The following CCT3 variants were observed in gnomAD, a reference collection of about 807,000 sequenced individuals.
The protein encoded by CCT3 is T-complex protein 1 subunit gamma.
In CCT3, 10 loss-of-function variants were observed where a neutral mutation model predicts 65.3. The observed-to-expected ratio is 0.15, with a 90% CI of 0.09 to 0.26. The LOEUF (loss-of-function observed/expected upper bound fraction) is 0.26, where lower values mean the gene tolerates loss of function less well. Among genes scored for constraint, CCT3 ranks in the 10% least tolerant of loss-of-function variants. CCT3 has a pLI of 1.00. For synonymous variants in CCT3, 225 were observed against 242.3 expected (o/e 0.93, Z 0.66); for missense variants, 626 against 708.7 (o/e 0.88, Z 1.33).
At position 156,314,854 on chromosome 1, in the gene CCT3, T is replaced by C. The variant is rs548328432; in HGVS notation, c.974+2312A>G. On this transcript the variant is annotated intron_variant, in intron 10 of 13. Coordinates refer to ENST00000295688, the MANE Select transcript of CCT3 (RefSeq NM_005998.5). The stretch of plus-strand genomic sequence containing the variant: ...GAAAACAAACTGACATTAGACAATC[T>C]GGCAGAAGGCTTCTGATTATTCAAG... Among the ~76,000 whole-genome samples, 7 of 152,364 alleles carry C rather than the reference T, an allele frequency of 4.6e-5. No homozygotes were observed. In the East Asian group the frequency reaches 1.4e-3, roughly 29 times the overall value.
chr1:156,323,113 C>G (rs1256929319), intron 6 of CCT3, among the ~76,000 whole-genome samples: 2 of 151,864 alleles, frequency 1.3e-5, no homozygotes, highest in Non-Finnish European at 2.9e-5. Flanking sequence ...TTGAGACCAG[C>G]CTGACCAACA....
Position 156,310,485 on chromosome 1 carries a change from G to A in CCT3, c.1533+73C>T, listed in dbSNP as rs576024215. 8.1e-5 allele frequency: 96 copies of A among 1,183,514 alleles called. No homozygotes were observed. The African/African-American group carries it at 1.2e-3, about 15-fold the overall frequency. 73.3% of individuals were successfully genotyped at this position (1,183,514 alleles called of 1,614,324 possible). The stretch of plus-strand genomic sequence containing the variant: ...CTCCAGCCTGGGTGACTGAGACTGC[G>A]TCTCAAAAATAAATAAATAGATAAA... On this transcript the variant is annotated intron_variant, in intron 13 of 13. Transcript: ENST00000295688.
chr1:156,325,217 C>T, intron 5 of CCT3, 128 bp from the exon 6 acceptor site: 1 of 686,980 alleles, frequency 1.5e-6, no homozygotes, highest in Non-Finnish European at 2.6e-6. Flanking sequence ...TTTGGCCATT[C>T]ATACTATTCC....
chr1:156,315,419 G>C (rs1664267986), intron 10 of CCT3, among the ~76,000 whole-genome samples: 1 of 152,126 alleles, frequency 6.6e-6, no homozygotes, highest in African/African-American at 2.4e-5. Flanking sequence ...ATGTTGGCCA[G>C]GCTGGTCTTG....
In CCT3 at chr1:156,317,513, G is replaced by A. The variant is rs750440755; in HGVS notation, c.794C>T (p.Thr265Ile). 1 of 1,613,802 alleles carries A rather than the reference G, an allele frequency of 6.2e-7. No individual in the cohort carries two copies. Reference protein sequence around the residue: ...DIEITREEDFTRILQMEEEYI... With the variant: ...DIEITREEDFIRILQMEEEYI... ...CTCTTCCTCCATCTGGAGAATTCGGGTGAAGTCCTCCTCTCGTGTAATCTC... is the reference window on the plus strand; with the variant it reads ...CTCTTCCTCCATCTGGAGAATTCGGATGAAGTCCTCCTCTCGTGTAATCTC... The change falls in exon 9 of 14, where the codon ACC becomes ATC. Residue 265 changes from threonine (T) to isoleucine (I), a missense_variant. Physicochemically the swap from Thr to Ile is moderately conservative, Grantham distance 89. Coordinates refer to ENST00000295688, the MANE Select transcript of CCT3 (RefSeq NM_005998.5).
rs1190236029 is a variant in CCT3, at chr1:156,311,254, C to G, written c.1156-59G>C. The G allele has an allele frequency of 3.9e-6, 6 of 1,554,354 alleles. No homozygotes were observed. The African/African-American group carries it at 8.2e-5, about 21-fold the overall frequency. ...GCTTGATGACTCATAAAATCGGAGG[C>G]ACCAAAAGGACTTCCTAACTGCCAA... On this transcript the variant is annotated intron_variant, in intron 11 of 13. Transcript: ENST00000295688.
At chr1:156,331,927 A>G (rs1665116561) in intron 5 of CCT3, among the ~76,000 whole-genome samples, 3 of 151,508 alleles carry the variant, frequency 2.0e-5, no homozygotes, top group South Asian at 4.2e-4. Context: ...AGCTACTTGG[A>G]AGGCTAAGGC....
At chr1:156,312,480 CA>C (rs1365185946) in intron 10 of CCT3, among the ~76,000 whole-genome samples, 1 of 151,986 alleles carries the variant, frequency 6.6e-6, no homozygotes, top group East Asian at 1.9e-4. Flanking sequence ...GGCAACATAA[CA>C]AGACTCTGTC....
intron 13 of CCT3, 99 bp downstream of exon 13, chr1:156,310,459 A>T: frequency 3.4e-6 from 3 of 879,194 alleles, no homozygotes; most frequent in Non-Finnish European, 4.8e-6. Flanking sequence ...ACACCACTGC[A>T]CTCCAGCCTG....
rs1665303400 is a variant in CCT3 at position 156,335,612 on chromosome 1, A to G, written c.93+215T>C. ...ACAATACACAGCAACAGAATAATGC[A>G]CAAGTTAATACGAGAAGATTATCAG... On this transcript the variant is annotated intron_variant, in intron 2 of 13. Coordinates refer to ENST00000295688, the MANE Select transcript of CCT3 (RefSeq NM_005998.5). The G allele has an allele frequency of 5.9e-6, 3 of 510,428 alleles. No individual in the cohort carries two copies. In the South Asian group the frequency reaches 1.0e-4, roughly 17 times the overall value. 31.6% of individuals were successfully genotyped at this position (510,428 alleles called of 1,614,324 possible).
chr1:156,314,702 GA>G (rs1476583433), intron 10 of CCT3, among the ~76,000 whole-genome samples: 2 of 151,898 alleles, frequency 1.3e-5, no homozygotes, highest in Non-Finnish European at 2.9e-5. Context: ...CGACAAGAGC[GA>G]AACTCCATCT....
At chr1:156,329,588 A>T (rs1162426394) in intron 5 of CCT3, among the ~76,000 whole-genome samples, 1 of 151,464 alleles carries the variant, frequency 6.6e-6, no homozygotes, top group Admixed American at 6.6e-5. Context: ...TACAGGCGTA[A>T]GCCACCGCGC....
chr1:156,318,917 C>T lies in CCT3; in HGVS notation c.710G>A (p.Arg237His), dbSNP rs746245572. Residue 237 changes from arginine to histidine, a missense_variant, in exon 8 of 14, where the codon CGC (arginine) becomes CAC (histidine). Coordinates refer to ENST00000295688, the MANE Select transcript of CCT3 (RefSeq NM_005998.5). ...CAGAGAAGAATCCAGCAGCACAATG[C>T]GAGGGTTCTTGATATAGCGCCGCAT... The part of the protein sequence containing the change: ...PRMRRYIKNP[R>H]IVLLDSSLEY... 15 of 1,614,062 alleles carry T rather than the reference C, an allele frequency of 9.3e-6. No homozygotes were observed. The highest frequency in any genetic ancestry group is 3.3e-5 in the South Asian group (3 of 91,068).
intron 6 of CCT3, among the ~76,000 whole-genome samples, chr1:156,321,685 C>A (rs1664559657): frequency 6.6e-6 from 1 of 152,054 alleles, no homozygotes; most frequent in South Asian, 2.1e-4. Flanking sequence ...ACCAGCCTGG[C>A]CAATATGGTG....
chr1:156,334,565 T>C, intron 4 of CCT3, 148 bp downstream of exon 4: 2 of 688,144 alleles, frequency 2.9e-6, no homozygotes, highest in Non-Finnish European at 5.0e-6. Context: ...TTCTATAAGA[T>C]AATAAATTTC....
In CCT3 at chr1:156,310,661, G is replaced by A. The variant is rs1281552397; in HGVS notation, c.1430C>T (p.Thr477Ile). Residue 477 changes from threonine to isoleucine, a missense_variant, in exon 13 of 14, where the codon ACC becomes ATC. Coordinates refer to ENST00000295688, the MANE Select transcript of CCT3 (RefSeq NM_005998.5). Reference protein sequence around the residue: ...RAKHTQENCETWGVNGETGTL... With the variant: ...RAKHTQENCEIWGVNGETGTL... ...ACCCGTCTCACCATTTACACCCCAG[G>A]TCTCACAGTTCTCCTGGGTGTGCTT... The A allele has an allele frequency of 6.2e-7, 1 of 1,613,978 alleles. No individual in the cohort carries two copies.
chr1:156,317,061 T>C, intron 10 of CCT3, 105 bp downstream of exon 10: 1 of 990,170 alleles, frequency 1.0e-6, no homozygotes, highest in Non-Finnish European at 1.6e-6. Context: ...TTTCTACCTG[T>C]TACTATATCC....
chr1:156,318,622 C>T (rs927326010), intron 8 of CCT3, among the ~76,000 whole-genome samples: 1 of 152,118 alleles, frequency 6.6e-6, no homozygotes, highest in Non-Finnish European at 1.5e-5. Flanking sequence ...CAAACACAAC[C>T]AGGTTCAAAT....
intron 6 of CCT3, among the ~76,000 whole-genome samples, chr1:156,321,823 C>T (rs1664565051): frequency 6.6e-6 from 1 of 152,130 alleles, no homozygotes; most frequent in Non-Finnish European, 1.5e-5. Context: ...GCCTGGGTGA[C>T]AGAGTGAGAT....
Sources: allele counts gnomAD v4.1 joint callset (sites outside exome capture counted in the v4.1 genomes callset), GRCh38; gene constraint gnomAD v4.1.1; transcripts MANE v1.5; gene names NCBI Gene and HGNC (gene_info 2026-07-23, HGNC 2026-07-21).